Variants in PER2 observed in about 807,000 individuals in gnomAD.
PER2 encodes the protein period circadian protein homolog 2.
In PER2, 66 loss-of-function variants were observed where a neutral mutation model predicts 121.0. The observed-to-expected ratio is 0.55, with a 90% confidence interval of 0.45 to 0.67. PER2 has a LOEUF of 0.67. Ranked by LOEUF, PER2 falls within the 30% of genes least tolerant of loss-of-function variation. The probability of loss-of-function intolerance (pLI) is 0.00; values close to 1 mark genes in which losing one functional copy is unlikely to be tolerated. For missense variants in PER2, 1,521 were observed against 1,635.0 expected, an observed-to-expected ratio of 0.93 and a Z score of 1.20; for synonymous variants, 684 against 659.9, an observed-to-expected ratio of 1.04 and a Z score of -0.56.
In PER2 at chr2:238,249,193, T is replaced by C. The variant is rs750202174; in HGVS notation, c.3487A>G (p.Lys1163Glu). 3.1e-6 allele frequency: 5 copies of C among 1,614,074 alleles called. No homozygotes were observed. In the East Asian group the frequency reaches 1.1e-4, roughly 36 times the overall value. ...AGCTTCAGCTTCTCTCTGTCCTCCT[T>C]CAAAACCGCTTCTAAATTTCTTCGC... ...LPSRNLEAVL[K>E]EDREKLKLLQ... The change falls in exon 22 of 23, where the codon AAG becomes GAG. Residue 1163 changes from lysine to glutamate, a missense_variant. Coordinates refer to ENST00000254657, the MANE Select transcript of PER2 (RefSeq NM_022817.3).
upstream of PER2, among the ~76,000 whole-genome samples, chr2:238,291,224 C>G (rs1696945459): frequency 6.6e-6 from 1 of 152,198 alleles, no homozygotes; most frequent in South Asian, 2.1e-4. Context: ...GAGCTGGCCT[C>G]CCAGCTAAAG....
rs1272632688 is a variant in PER2, at chr2:238,277,870, G to C, written c.67C>G (p.Pro23Ala). 3 of 1,614,070 alleles carry C rather than the reference G, an allele frequency of 1.9e-6. No homozygotes were observed. The African/African-American group carries it at 4.0e-5, about 22-fold the overall frequency. ...TCTTCCTGCAGTGGGACCTGGCTGGGCTGGGGCTCCACGGGCTCCTTGGTG... is the reference window on the plus strand; with the variant it reads ...TCTTCCTGCAGTGGGACCTGGCTGGCCTGGGGCTCCACGGGCTCCTTGGTG... The part of the protein sequence containing the change: ...NPTKEPVEPQ[P>A]SQVPLQEDVD... Residue 23 changes from proline to alanine, a missense_variant, in exon 2 of 23, where the codon CCC becomes GCC. Coordinates refer to ENST00000254657, the MANE Select transcript of PER2 (RefSeq NM_022817.3).
At chr2:238,286,038 C>T (rs1696772845) in intron 1 of PER2, among the ~76,000 whole-genome samples, 1 of 152,118 alleles carries the variant, frequency 6.6e-6, no homozygotes, top group Non-Finnish European at 1.5e-5. Flanking sequence ...GAAGGAGGTG[C>T]ACCGGGGAGG....
rs1695429276 is a variant in PER2, at chr2:238,245,737, T to C, written c.*638A>G. 5.0e-6 allele frequency: 2 copies of C among 398,344 alleles called. No homozygotes were observed. The highest frequency in any genetic ancestry group is 8.9e-6 in the Non-Finnish European group (2 of 225,978). 24.7% of individuals were successfully genotyped at this position (398,344 alleles called of 1,614,324 possible). ...GCTTCTTTAGTCCAGAGCAAATGTT[T>C]CAACTTTGTTCACTACAAACAAAAC... On this transcript the variant is annotated 3_prime_UTR_variant, in exon 23 of 23. Transcript: ENST00000254657.
chr2:238,294,284 A>G (rs1697008568), upstream of PER2, among the ~76,000 whole-genome samples: 1 of 152,148 alleles, frequency 6.6e-6, no homozygotes, highest in African/African-American at 2.4e-5. Flanking sequence ...TGGTTCTGCC[A>G]GCATTCCTGG....
chr2:238,267,480 C>T (rs1696146297), intron 8 of PER2, among the ~76,000 whole-genome samples: 1 of 152,166 alleles, frequency 6.6e-6, no homozygotes, highest in African/African-American at 2.4e-5. Context: ...CATACAGAGG[C>T]ACAGCAAGCC....
At chr2:238,276,449 G>A (rs1426535458) in intron 3 of PER2, among the ~76,000 whole-genome samples, 2 of 152,218 alleles carry the variant, frequency 1.3e-5, no homozygotes, top group Admixed American at 6.5e-5. Context: ...AAGGATACTG[G>A]TCGACCCATA....
chr2:238,284,490 C>T (rs1039386340), intron 1 of PER2, among the ~76,000 whole-genome samples: 2 of 151,112 alleles, frequency 1.3e-5, no homozygotes, highest in African/African-American at 4.9e-5. Context: ...AACAGATGGG[C>T]AACAAACGTA....
At chr2:238,246,634 T>C in intron 22 of PER2, 110 bp from the exon 23 acceptor site, 2 of 700,272 alleles carry the variant, frequency 2.9e-6, no homozygotes, top group Admixed American at 2.0e-5. Flanking sequence ...CCCAGCACTT[T>C]GGGAGGCCGA....
At position 238,275,799 on chromosome 2, in the gene PER2, T is replaced by C. The variant is rs1696435396; in HGVS notation, c.392A>G (p.Lys131Arg). ...HLPADKKAKG[K>R]ASTLATLKYA... ...CTTCAAGGTGGCCAGCGTACTGGCC[T>C]TGCCCTTGGCCTTCTTGTCTGCAGG... Residue 131 changes from lysine (K) to arginine (R), a missense_variant, in exon 4 of 23, where the codon AAG (lysine) becomes AGG (arginine). Transcript: ENST00000254657. 6.2e-7 allele frequency: 1 copy of C among 1,614,220 alleles called. No individual in the cohort carries two copies. The highest frequency in any genetic ancestry group is 8.5e-7 in the Non-Finnish European group (1 of 1,179,998).
intron 1 of PER2, among the ~76,000 whole-genome samples, chr2:238,286,511 G>C (rs1312543376): frequency 6.6e-6 from 1 of 152,154 alleles, no homozygotes; most frequent in Admixed American, 6.5e-5. Context: ...CTAGGGGGGA[G>C]TGCGTGGGCT....
At chr2:238,296,869 T>C in the PER2 span, among the ~76,000 whole-genome samples, 1 of 152,210 alleles carries the variant, frequency 6.6e-6, no homozygotes, top group Non-Finnish European at 1.5e-5. Flanking sequence ...GCTCACGTGG[T>C]TGATGAGAAC....
chr2:238,259,655 C>A (rs1695867177), intron 14 of PER2, among the ~76,000 whole-genome samples: 1 of 152,254 alleles, frequency 6.6e-6, no homozygotes, highest in African/African-American at 2.4e-5. Flanking sequence ...CCCAGGCACA[C>A]CCTGCTGGCA....
At position 238,268,623 on chromosome 2, in the gene PER2, A is replaced by G. The variant is rs1696186307; in HGVS notation, c.824+300T>C. Among the ~76,000 whole-genome samples, 3 of 151,992 alleles carry G rather than the reference A, an allele frequency of 2.0e-5. No individual in the cohort carries two copies. The highest frequency in any genetic ancestry group is 7.3e-5 in the African/African-American group (3 of 41,220). ...GGTCTCTCCCCAGAAAAACGCACAG[A>G]CAACCAAAAGACGCAGTGCTTTCAG... On this transcript the variant is annotated intron_variant, in intron 7 of 22. Coordinates refer to ENST00000254657, the MANE Select transcript of PER2 (RefSeq NM_022817.3). The surrounding 1 kb of genome is among the most constrained non-coding windows in gnomAD (Gnocchi z 4.0).
chr2:238,245,063 A>G lies in PER2; in HGVS notation c.*1312T>C, dbSNP rs1188822223. On this transcript the variant is annotated 3_prime_UTR_variant, in exon 23 of 23. Transcript: ENST00000254657. ...CATCTAAAAAAAAAAAAAAAAAAAA[A>G]AAAAAAAGAAAACCCTGGTCCCTTT... 6.6e-6 allele frequency: 1 copy of G among 151,058 alleles called. No individual in the cohort carries two copies. The highest frequency in any genetic ancestry group is 1.5e-5 in the Non-Finnish European group (1 of 67,880). 9.4% of individuals were successfully genotyped at this position (151,058 alleles called of 1,614,324 possible).
intron 2 of PER2, 106 bp from the exon 3 acceptor site, chr2:238,277,299 G>T: frequency 1.2e-6 from 1 of 820,820 alleles, no homozygotes; most frequent in Non-Finnish European, 2.1e-6. Flanking sequence ...ACCATGGTAA[G>T]ACAATTTTTT....
chr2:238,270,026 C>T (rs1024981431), intron 6 of PER2, among the ~76,000 whole-genome samples: 19 of 152,368 alleles, frequency 1.2e-4, no homozygotes, highest in Admixed American at 1.2e-3. Flanking sequence ...GGGATCCAGT[C>T]TTGTCTCATC....
At chr2:238,293,956 G>C (rs962752648), upstream of PER2, among the ~76,000 whole-genome samples, 3 of 152,040 alleles carry the variant, frequency 2.0e-5, no homozygotes, top group Non-Finnish European at 4.4e-5. Flanking sequence ...TCTTTCCAGG[G>C]CTTCTGGGCA....
At chr2:238,289,636 G>C (rs191374947), upstream of PER2, 1 of 152,246 alleles carries the variant, frequency 6.6e-6, no homozygotes, top group East Asian at 1.9e-4. Context: ...ATTAACCAGA[G>C]CTATCCCCAC....
Sources: gnomAD v4.1 joint callset for allele counts (sites outside exome capture counted in the v4.1 genomes callset) on GRCh38, gnomAD v4.1.1 for gene constraint, Gnocchi (gnomAD v3.1) non-coding constraint, MANE v1.5 for transcripts, NCBI Gene and HGNC (gene_info 2026-07-23, HGNC 2026-07-21) for gene names.